Variants in ARHGEF26 observed in about 807,000 individuals in gnomAD.
ARHGEF26 encodes Rho guanine nucleotide exchange factor 26.
In ARHGEF26, 59 loss-of-function variants were observed where a neutral mutation model predicts 89.4. The ratio of observed to expected loss-of-function variants is 0.66; its 90% confidence interval spans 0.54 to 0.82. The LOEUF (loss-of-function observed/expected upper bound fraction) is 0.82, where lower values mean the gene tolerates loss of function less well. Ranked by LOEUF, ARHGEF26 falls within the 40% of genes least tolerant of loss-of-function variation. The pLI, the probability that ARHGEF26 is intolerant of heterozygous loss-of-function variation, is 0.00. For synonymous variants in ARHGEF26, 500 were observed against 428.4 expected (o/e 1.17, Z -2.06); for missense variants, 1,234 against 1,085.6 (o/e 1.14, Z -1.92).
At chr3:154,204,879 A>C (rs928184733) in intron 9 of ARHGEF26, among the ~76,000 whole-genome samples, 1 of 152,166 alleles carries the variant, frequency 6.6e-6, no homozygotes, top group Non-Finnish European at 1.5e-5. Flanking sequence ...GTCAAAGAAT[A>C]TGCTTGATAT....
At chr3:154,249,644 G>T (rs1559927812) in intron 12 of ARHGEF26, among the ~76,000 whole-genome samples, 1 of 152,194 alleles carries the variant, frequency 6.6e-6, no homozygotes, top group Non-Finnish European at 1.5e-5. Context: ...AGGGACTCCA[G>T]TGTATTTGCT....
intron 6 of ARHGEF26, among the ~76,000 whole-genome samples, chr3:154,183,990 T>C (rs77453969): frequency 6.6e-6 from 1 of 151,014 alleles, no homozygotes; most frequent in Non-Finnish European, 1.5e-5. Context: ...TTTTTTTTTT[T>C]GAGACGGAGT....
chr3:154,241,631 C>G (rs1018115880), intron 12 of ARHGEF26, among the ~76,000 whole-genome samples: 4 of 152,234 alleles, frequency 2.6e-5, no homozygotes, highest in African/African-American at 9.6e-5. Flanking sequence ...GCAGCAACGT[C>G]TCCAGTAGGG....
At chr3:154,222,028 C>A (rs1716163738) in intron 10 of ARHGEF26, among the ~76,000 whole-genome samples, 1 of 152,128 alleles carries the variant, frequency 6.6e-6, no homozygotes, top group Non-Finnish European at 1.5e-5. Flanking sequence ...CTCACATGAA[C>A]CCTATAATGT....
intron 9 of ARHGEF26, among the ~76,000 whole-genome samples, chr3:154,208,400 A>G (rs1182408719): frequency 6.6e-6 from 1 of 152,142 alleles, no homozygotes; most frequent in Non-Finnish European, 1.5e-5. Flanking sequence ...GTGTTTAATT[A>G]TTAAATGCCT....
At chr3:154,202,500 C>A (rs1168943299) in intron 9 of ARHGEF26, among the ~76,000 whole-genome samples, 6 of 152,016 alleles carry the variant, frequency 3.9e-5, no homozygotes, top group African/African-American at 1.4e-4. Context: ...TTTTTGGTTC[C>A]ATATGAACTT....
intron 7 of ARHGEF26, among the ~76,000 whole-genome samples, chr3:154,188,900 C>A (rs1338290727): frequency 6.6e-6 from 1 of 152,086 alleles, no homozygotes; most frequent in East Asian, 1.9e-4. Flanking sequence ...AGGGTTTGTT[C>A]GCACAATTGA....
At chr3:154,168,384 C>T (rs1174174613) in intron 6 of ARHGEF26, among the ~76,000 whole-genome samples, 2 of 152,092 alleles carry the variant, frequency 1.3e-5, no homozygotes, top group Non-Finnish European at 2.9e-5. Flanking sequence ...TGAGACCAGC[C>T]TGGGCAACAT....
intron 3 of ARHGEF26, 89 bp downstream of exon 3, chr3:154,124,538 T>C (rs1429326906): frequency 1.7e-6 from 2 of 1,177,612 alleles, no homozygotes; most frequent in African/African-American, 3.2e-5. Flanking sequence ...ACAAAAATGC[T>C]TACGATGAGA....
intron 6 of ARHGEF26, among the ~76,000 whole-genome samples, chr3:154,156,533 A>G (rs1296012996): frequency 6.6e-6 from 1 of 152,166 alleles, no homozygotes; most frequent in Non-Finnish European, 1.5e-5. Context: ...GATCTCTGTT[A>G]TATTTCAACT....
At chr3:154,132,634 C>T (rs1016459444) in intron 4 of ARHGEF26, among the ~76,000 whole-genome samples, 1 of 152,118 alleles carries the variant, frequency 6.6e-6, no homozygotes, top group African/African-American at 2.4e-5. Context: ...ATTTCTCTAT[C>T]TGACCCCTCC....
intron 9 of ARHGEF26, among the ~76,000 whole-genome samples, chr3:154,208,965 C>G (rs1413507185): frequency 6.6e-6 from 1 of 151,774 alleles, no homozygotes; most frequent in African/African-American, 2.4e-5. Context: ...CGGGGTTTCA[C>G]CGTGCTGGCC....
At chr3:154,132,077 A>C (rs1727893) in intron 4 of ARHGEF26, among the ~76,000 whole-genome samples, 138,516 of 152,254 alleles carry the variant, frequency 0.91, 63,228 homozygotes, top group East Asian at 1. Flanking sequence ...TTGGCAATTA[A>C]ATTTAATGAA....
chr3:154,237,148 A>G (rs1478590569), intron 11 of ARHGEF26, among the ~76,000 whole-genome samples: 1 of 152,240 alleles, frequency 6.6e-6, no homozygotes, highest in African/African-American at 2.4e-5. Context: ...AATCAGTGGC[A>G]TTGTAGTTGT....
chr3:154,204,333 C>CT (rs55822103), intron 9 of ARHGEF26, among the ~76,000 whole-genome samples: 75,913 of 113,076 alleles, frequency 0.67, 26,611 homozygotes, highest in East Asian at 0.85. Flanking sequence ...TTTTCTTTTC[C>CT]TTTTTTTTTT....
intron 6 of ARHGEF26, among the ~76,000 whole-genome samples, chr3:154,164,714 C>T (rs1711895262): frequency 6.6e-6 from 1 of 152,150 alleles, no homozygotes; most frequent in African/African-American, 2.4e-5. Flanking sequence ...TTGTGTTCAT[C>T]TGCTGAAGTT....
At chr3:154,142,964 T>C (rs1719470492) in intron 4 of ARHGEF26, among the ~76,000 whole-genome samples, 1 of 152,206 alleles carries the variant, frequency 6.6e-6, no homozygotes, top group African/African-American at 2.4e-5. Context: ...TTCTTTTATC[T>C]ACAGGTGGTC....
chr3:154,242,430 G>T (rs2108286485), intron 12 of ARHGEF26, among the ~76,000 whole-genome samples: 1 of 152,282 alleles, frequency 6.6e-6, no homozygotes, highest in South Asian at 2.1e-4. Context: ...AGATGCAATG[G>T]AAATAGCGAG....
chr3:154,226,188 C>T lies in ARHGEF26; in HGVS notation c.2090+178C>T, dbSNP rs568985407. Among the ~76,000 whole-genome samples, 4 of 152,156 alleles carry T rather than the reference C, an allele frequency of 2.6e-5. No homozygotes were observed. The South Asian group carries it at 8.3e-4, about 32-fold the overall frequency. Reference sequence around the variant, plus strand: ...TTTAAATTGCTTATGTAGTTTCAGACGAATCATTATCTGCATCATAATTCT... The same window carrying T: ...TTTAAATTGCTTATGTAGTTTCAGATGAATCATTATCTGCATCATAATTCT... On this transcript the variant is annotated intron_variant, in intron 11 of 14. Coordinates refer to ENST00000465093, the MANE Select transcript of ARHGEF26 (RefSeq NM_015595.4).
Sources: allele counts gnomAD v4.1 joint callset (sites outside exome capture counted in the v4.1 genomes callset), GRCh38; gene constraint gnomAD v4.1.1; transcripts MANE v1.5; gene names NCBI Gene and HGNC (gene_info 2026-07-23, HGNC 2026-07-21).